The following SMYD3 variants were observed in gnomAD, a reference collection of about 807,000 sequenced individuals.
SMYD3 encodes histone-lysine N-methyltransferase SMYD3.
Under a neutral mutation model 57.7 loss-of-function variants are expected in SMYD3, and 36 were observed. The observed-to-expected ratio is 0.62, with a 90% CI of 0.48 to 0.82. The LOEUF is 0.82. Among genes scored for constraint, SMYD3 ranks in the 40% least tolerant of loss-of-function variants. SMYD3 has a pLI of 0.00. For missense variants in SMYD3, 515 were observed against 538.8 expected (o/e 0.96, Z 0.44); for synonymous variants, 211 against 195.0 (o/e 1.08, Z -0.68).
intron 5 of SMYD3, among the ~76,000 whole-genome samples, chr1:245,939,611 G>A (rs1045004242): frequency 3.4e-5 from 5 of 147,328 alleles, no homozygotes; most frequent in African/African-American, 1.2e-4. Flanking sequence ...TGGCGACAGA[G>A]CAAGACTCCG....
intron 1 of SMYD3, among the ~76,000 whole-genome samples, chr1:246,377,351 T>TA (rs1181048548): frequency 6.6e-6 from 1 of 150,694 alleles, no homozygotes; most frequent in African/African-American, 2.4e-5. Flanking sequence ...ATAATAAGAA[T>TA]AAAAAAGGCA....
intron 5 of SMYD3, among the ~76,000 whole-genome samples, chr1:246,185,127 C>A (rs568402643): frequency 6.6e-6 from 1 of 152,306 alleles, no homozygotes; most frequent in South Asian, 2.1e-4. Flanking sequence ...GTGTTATATG[C>A]CAAGAATTTT....
intron 10 of SMYD3, among the ~76,000 whole-genome samples, chr1:245,822,514 A>T (rs1469878639): frequency 1.3e-4 from 20 of 150,434 alleles, no homozygotes; most frequent in South Asian, 1.1e-3. Context: ...AACCTGCACA[A>T]TGTGCACATG....
At chr1:245,983,862 G>A (rs2148079185) in intron 5 of SMYD3, among the ~76,000 whole-genome samples, 1 of 152,268 alleles carries the variant, frequency 6.6e-6, no homozygotes. Flanking sequence ...GAAAGGGCCA[G>A]GAGGAAGAGT....
chr1:246,231,428 T>A (rs553708368), intron 5 of SMYD3, among the ~76,000 whole-genome samples: 4 of 152,174 alleles, frequency 2.6e-5, no homozygotes, highest in Non-Finnish European at 5.9e-5. Flanking sequence ...CATAAAAGCA[T>A]GTAATATAAC....
chr1:246,394,722 CT>C (rs143306341), intron 1 of SMYD3, among the ~76,000 whole-genome samples: 5,400 of 151,828 alleles, frequency 0.036, 137 homozygotes, highest in Non-Finnish European at 0.049. Context: ...CCGAACCTAG[CT>C]ATGCCTTATT....
chr1:245,826,850 AAG>A (rs1372700774), intron 10 of SMYD3, among the ~76,000 whole-genome samples: 4 of 14,052 alleles, frequency 2.8e-4, no homozygotes, highest in Admixed American at 1.3e-3. Context: ...ATCAGATCTC[AAG>A]AGAACTCACT....
intron 5 of SMYD3, among the ~76,000 whole-genome samples, chr1:246,075,564 A>T (rs2060531608): frequency 6.6e-6 from 1 of 152,202 alleles, no homozygotes; most frequent in South Asian, 2.1e-4. Context: ...AAAGAAAACT[A>T]AAATAATTTA....
chr1:246,265,226 C>G (rs2064082368), intron 5 of SMYD3, among the ~76,000 whole-genome samples: 1 of 152,104 alleles, frequency 6.6e-6, no homozygotes, highest in Non-Finnish European at 1.5e-5. Flanking sequence ...ACCTCAAACA[C>G]CTGGGCTCAA....
intron 1 of SMYD3, among the ~76,000 whole-genome samples, chr1:246,358,720 G>A (rs1004236774): frequency 3.3e-5 from 5 of 152,154 alleles, no homozygotes; most frequent in Non-Finnish European, 7.4e-5. Flanking sequence ...TGATTGTTGG[G>A]TCAACAATGA....
At position 245,971,561 on chromosome 1, in the gene SMYD3, C is replaced by T. The variant is rs115949299; in HGVS notation, c.532-41624G>A. On this transcript the variant is annotated intron_variant, in intron 5 of 11. Transcript: ENST00000490107. Reference sequence around the variant, plus strand: ...CGCACACGCTCTCGTCTGGTTAGAACGCATTCTTCTTCCTGAGGGAAAACC... The same window carrying T: ...CGCACACGCTCTCGTCTGGTTAGAATGCATTCTTCTTCCTGAGGGAAAACC... Among the ~76,000 whole-genome samples, 272 of 152,296 alleles carry T rather than the reference C, an allele frequency of 1.8e-3. 1 individual carries two copies. Among genetic ancestry groups the T allele is most frequent in the African/African-American group, 6.2e-3 (258 of 41,570 alleles).
intron 5 of SMYD3, among the ~76,000 whole-genome samples, chr1:246,210,213 G>C (rs2148390988): frequency 6.6e-6 from 1 of 152,262 alleles, no homozygotes; most frequent in East Asian, 1.9e-4. Flanking sequence ...TAAAGTTTGA[G>C]AGTCACAGTC....
chr1:245,994,069 T>C (rs1197705634), intron 5 of SMYD3, among the ~76,000 whole-genome samples: 1 of 152,256 alleles, frequency 6.6e-6, no homozygotes, highest in African/African-American at 2.4e-5. Context: ...TTGTCTTTTC[T>C]GGTTGGTCCA....
intron 5 of SMYD3, among the ~76,000 whole-genome samples, chr1:245,977,216 T>C (rs2148053800): frequency 6.6e-6 from 1 of 152,354 alleles, no homozygotes; most frequent in South Asian, 2.1e-4. Flanking sequence ...AACATTTCAA[T>C]GGTTTTCTGC....
At chr1:246,238,404 T>C (rs1415960029) in intron 5 of SMYD3, among the ~76,000 whole-genome samples, 1 of 152,238 alleles carries the variant, frequency 6.6e-6, no homozygotes, top group Non-Finnish European at 1.5e-5. Context: ...TCAGTGATTA[T>C]TTTTAATTCA....
chr1:246,267,382 T>C (rs958188316), intron 5 of SMYD3, among the ~76,000 whole-genome samples: 1 of 152,210 alleles, frequency 6.6e-6, no homozygotes, highest in Non-Finnish European at 1.5e-5. Context: ...AATGGTATTA[T>C]TTTATGGTTT....
rs550778898 is a variant in SMYD3, at chr1:246,485,255, C to A, written c.164+21799G>T. The stretch of plus-strand genomic sequence containing the variant: ...ACACCTGAAAACACATCACTTCAAC[C>A]AAAATACCTAAACTACTGCACTAGT... On this transcript the variant is annotated intron_variant, in intron 1 of 11. Transcript: ENST00000490107. Among the ~76,000 whole-genome samples the A allele has an allele frequency of 7.8e-3, 1,187 of 152,066 alleles. 11 individuals carry two copies. Among genetic ancestry groups the A allele is most frequent in the African/African-American group, 0.027 (1,107 of 41,460 alleles).
chr1:246,271,647 A>G, intron 5 of SMYD3, among the ~76,000 whole-genome samples: 1 of 152,112 alleles, frequency 6.6e-6, no homozygotes, highest in East Asian at 1.9e-4. Flanking sequence ...CGTTGATTCC[A>G]TTGGTCTATA....
chr1:246,269,202 G>T (rs1326006723), intron 5 of SMYD3, among the ~76,000 whole-genome samples: 15 of 152,082 alleles, frequency 9.9e-5, no homozygotes, highest in Admixed American at 9.8e-4. Context: ...TCTGAAACTG[G>T]CTGATACCAC....
Sources: allele counts gnomAD v4.1 joint callset (sites outside exome capture counted in the v4.1 genomes callset), GRCh38; gene constraint gnomAD v4.1.1; transcripts MANE v1.5; gene names NCBI Gene and HGNC (gene_info 2026-07-23, HGNC 2026-07-21).